The following PDE4B variants were observed in gnomAD, a reference collection of about 807,000 sequenced individuals.
The protein encoded by PDE4B is 3',5'-cyclic-AMP phosphodiesterase 4B.
Under a neutral mutation model 82.2 loss-of-function variants are expected in PDE4B, and 20 were observed. The ratio of observed to expected loss-of-function variants is 0.24; its 90% CI spans 0.17 to 0.35. The LOEUF is 0.35. Among genes scored for constraint, PDE4B ranks in the 10% least tolerant of loss-of-function variants. PDE4B has a pLI of 1.00. For synonymous variants in PDE4B, 320 were observed against 318.9 expected (o/e 1.00, Z -0.04); for missense variants, 655 against 907.2 (o/e 0.72, Z 3.57).
chr1:65,797,231 G>A (rs997742179), intron 1 of PDE4B, among the ~76,000 whole-genome samples: 35 of 152,302 alleles, frequency 2.3e-4, no homozygotes, highest in African/African-American at 7.9e-4. Context: ...TGGGATTACA[G>A]GTGTGAGCCA....
At chr1:66,259,847 TG>T (rs1654548263) in intron 6 of PDE4B, among the ~76,000 whole-genome samples, 1 of 152,216 alleles carries the variant, frequency 6.6e-6, no homozygotes, top group Admixed American at 6.5e-5. Context: ...TCCTTCTCTA[TG>T]TTTTTTTCTT....
At chr1:65,836,292 T>G (rs1187927813) in intron 1 of PDE4B, among the ~76,000 whole-genome samples, 2 of 152,200 alleles carry the variant, frequency 1.3e-5, no homozygotes, top group East Asian at 3.8e-4. Context: ...AACTCACCGC[T>G]ATCCTTACCA....
At chr1:65,811,000 G>A (rs1401189171) in intron 1 of PDE4B, among the ~76,000 whole-genome samples, 1 of 152,122 alleles carries the variant, frequency 6.6e-6, no homozygotes, top group Non-Finnish European at 1.5e-5. Flanking sequence ...GCATTGCAGG[G>A]TGTTTAACAG....
At chr1:66,130,550 T>C (rs2101108813) in intron 3 of PDE4B, among the ~76,000 whole-genome samples, 1 of 152,284 alleles carries the variant, frequency 6.6e-6, no homozygotes, top group African/African-American at 2.4e-5. Context: ...TGTCCCCAAA[T>C]GTTGGCAGTC....
chr1:66,186,940 T>A (rs1647243442), intron 3 of PDE4B, among the ~76,000 whole-genome samples: 1 of 152,230 alleles, frequency 6.6e-6, no homozygotes. Flanking sequence ...TTCCAGTTTG[T>A]GCCCATTCAG....
chr1:66,290,049 C>T (rs564147483), intron 7 of PDE4B, among the ~76,000 whole-genome samples: 1 of 152,210 alleles, frequency 6.6e-6, no homozygotes. Flanking sequence ...AAAGAGGGAA[C>T]ATTGAAAGGT....
chr1:66,280,406 T>A (rs1656209182), intron 7 of PDE4B, among the ~76,000 whole-genome samples: 1 of 152,222 alleles, frequency 6.6e-6, no homozygotes, highest in Non-Finnish European at 1.5e-5. Flanking sequence ...GTGCCTAGTA[T>A]CTGGAACACA....
At chr1:66,308,329 T>A (rs540962771) in intron 7 of PDE4B, among the ~76,000 whole-genome samples, 17 of 152,168 alleles carry the variant, frequency 1.1e-4, no homozygotes, top group Admixed American at 2.0e-4. Flanking sequence ...GTTCATGGAT[T>A]TTTTTCCGGA....
intron 3 of PDE4B, among the ~76,000 whole-genome samples, chr1:66,220,422 T>C (rs1650882825): frequency 6.6e-6 from 1 of 152,188 alleles, no homozygotes; most frequent in Non-Finnish European, 1.5e-5. Flanking sequence ...GCCTGGTACA[T>C]TAGCATCCTC....
chr1:65,958,512 A>C (rs773253199), intron 3 of PDE4B, among the ~76,000 whole-genome samples: 3 of 151,958 alleles, frequency 2.0e-5, no homozygotes, highest in Non-Finnish European at 4.4e-5. Flanking sequence ...CCCTCTTTTT[A>C]TCTTTTGGGG....
At chr1:66,062,186 G>A (rs1035941742) in intron 3 of PDE4B, among the ~76,000 whole-genome samples, 4 of 152,012 alleles carry the variant, frequency 2.6e-5, no homozygotes, top group Non-Finnish European at 4.4e-5. Flanking sequence ...AAGAAAATCC[G>A]AACACTGAAA....
intron 3 of PDE4B, among the ~76,000 whole-genome samples, chr1:65,921,562 C>G (rs1647249617): frequency 6.6e-6 from 1 of 152,168 alleles, no homozygotes; most frequent in Non-Finnish European, 1.5e-5. Context: ...CTCTAAAGGA[C>G]CAGATAGTAA....
At chr1:66,326,602 A>G (rs753366399) in intron 7 of PDE4B, among the ~76,000 whole-genome samples, 9 of 152,222 alleles carry the variant, frequency 5.9e-5, no homozygotes, top group Non-Finnish European at 1.3e-4. Flanking sequence ...GCAAATAGTT[A>G]CCACCTTCTC....
At chr1:66,221,092 C>A (rs1004388112) in intron 3 of PDE4B, among the ~76,000 whole-genome samples, 1 of 152,034 alleles carries the variant, frequency 6.6e-6, no homozygotes, top group African/African-American at 2.4e-5. Context: ...ACAATCATTG[C>A]AAACCTGGAG....
At chr1:66,036,029 G>GCCA (rs1654040900) in intron 3 of PDE4B, among the ~76,000 whole-genome samples, 1 of 152,066 alleles carries the variant, frequency 6.6e-6, no homozygotes, top group African/African-American at 2.4e-5. Context: ...CTTGATAGTA[G>GCCA]CCACCGTAAC....
intron 3 of PDE4B, among the ~76,000 whole-genome samples, chr1:66,187,566 G>C (rs1156551548): frequency 6.6e-6 from 1 of 152,258 alleles, no homozygotes; most frequent in Non-Finnish European, 1.5e-5. Context: ...TCTTGGGAGG[G>C]CATATGTGTC....
chr1:66,352,048 C>T (rs993698501), intron 8 of PDE4B, among the ~76,000 whole-genome samples: 3 of 152,054 alleles, frequency 2.0e-5, no homozygotes, highest in African/African-American at 4.8e-5. Context: ...TAAATGGGCC[C>T]TTCATAAGTG....
chr1:66,259,406 G>T lies in PDE4B; in HGVS notation c.584+1543G>T, dbSNP rs1570574170. Among the ~76,000 whole-genome samples, 2 of 152,114 alleles carry T rather than the reference G, an allele frequency of 1.3e-5. 1 individual carries two copies. The highest frequency in any genetic ancestry group is 3.9e-4 in the East Asian group (2 of 5,190). On this transcript the variant is annotated intron_variant, in intron 6 of 16. Coordinates refer to ENST00000341517, the MANE Select transcript of PDE4B (RefSeq NM_002600.4). The stretch of plus-strand genomic sequence containing the variant: ...ACATGGAATTATGTTCAATAATCAT[G>T]GTCTGTTGTTCTCTGCATACTCTCT...
At chr1:65,971,729 G>T (rs1404038790) in intron 3 of PDE4B, among the ~76,000 whole-genome samples, 1 of 152,120 alleles carries the variant, frequency 6.6e-6, no homozygotes, top group African/African-American at 2.4e-5. Context: ...AGCAGTATGA[G>T]CTGTTTTTGA....
Sources: allele counts gnomAD v4.1 joint callset (sites outside exome capture counted in the v4.1 genomes callset), GRCh38; gene constraint gnomAD v4.1.1; transcripts MANE v1.5; gene names NCBI Gene and HGNC (gene_info 2026-07-23, HGNC 2026-07-21).